The following NTM variants were observed in gnomAD, a reference collection of about 807,000 sequenced individuals.
NTM encodes IgLON family member 2.
In NTM, 13 loss-of-function variants were observed where a neutral mutation model predicts 42.1. The observed-to-expected ratio is 0.31, with a 90% CI of 0.20 to 0.49. NTM has a LOEUF of 0.49. Ranked by LOEUF, NTM falls within the 20% of genes least tolerant of loss-of-function variation. NTM has a pLI of 0.99. For missense variants in NTM, 373 were observed against 452.8 expected, an observed-to-expected ratio of 0.82 and a Z score of 1.60; for synonymous variants, 187 against 179.2, an observed-to-expected ratio of 1.04 and a Z score of -0.35.
At chr11:131,911,342 C>T in intron 1 of NTM, 1 of 1,501,502 alleles carries the variant, frequency 6.7e-7, no homozygotes, top group South Asian at 1.3e-5. Context: ...GCGCGCTTTT[C>T]TCCTCCCCGC....
chr11:131,581,772 A>T (rs1048046760), intron 1 of NTM, among the ~76,000 whole-genome samples: 1 of 152,092 alleles, frequency 6.6e-6, no homozygotes, highest in Admixed American at 6.6e-5. Flanking sequence ...CCTCCCATGC[A>T]CTTTGTTTAA....
intron 1 of NTM, among the ~76,000 whole-genome samples, chr11:131,568,732 C>T (rs1001324197): frequency 2.6e-5 from 4 of 152,252 alleles, no homozygotes; most frequent in South Asian, 4.1e-4. Context: ...CATTCCACCA[C>T]GGCCAGTTGA....
At chr11:132,144,337 C>T (rs372832451) in intron 2 of NTM, among the ~76,000 whole-genome samples, 2 of 152,170 alleles carry the variant, frequency 1.3e-5, no homozygotes, top group Non-Finnish European at 2.9e-5. Flanking sequence ...AGCGAAATCC[C>T]CAGGGGGCTC....
intron 2 of NTM, among the ~76,000 whole-genome samples, chr11:131,932,642 A>T (rs2058751763): frequency 6.6e-6 from 1 of 152,204 alleles, no homozygotes; most frequent in African/African-American, 2.4e-5. Context: ...TGATCAGCAG[A>T]CAAGGAATAG....
chr11:131,424,218 G>A (rs1349020253), intron 1 of NTM, among the ~76,000 whole-genome samples: 2 of 152,014 alleles, frequency 1.3e-5, no homozygotes, highest in Non-Finnish European at 2.9e-5. Context: ...TTATTTTAGG[G>A]AAAGAAAGGA....
At chr11:131,431,051 T>G (rs1271699293) in intron 1 of NTM, among the ~76,000 whole-genome samples, 1 of 152,214 alleles carries the variant, frequency 6.6e-6, no homozygotes, top group Non-Finnish European at 1.5e-5. Context: ...TTCCACACAG[T>G]GTCGCAGAGA....
At chr11:131,842,792 C>T (rs2044423520) in intron 1 of NTM, among the ~76,000 whole-genome samples, 1 of 152,112 alleles carries the variant, frequency 6.6e-6, no homozygotes, top group African/African-American at 2.4e-5. Flanking sequence ...TGGCAGATCA[C>T]TTGAGGTCAG....
chr11:131,373,154 C>G (rs909129169), intron 1 of NTM, among the ~76,000 whole-genome samples: 7 of 152,200 alleles, frequency 4.6e-5, no homozygotes, highest in Admixed American at 4.6e-4. Flanking sequence ...AAGGTGATGT[C>G]TGTTTTCTCT....
At chr11:131,960,247 C>G (rs997218345) in intron 2 of NTM, among the ~76,000 whole-genome samples, 1 of 152,112 alleles carries the variant, frequency 6.6e-6, no homozygotes, top group African/African-American at 2.4e-5. Flanking sequence ...TTGTTGGGAC[C>G]CTCCCAGGTA....
intron 1 of NTM, among the ~76,000 whole-genome samples, chr11:131,593,879 T>A (rs2059595506): frequency 6.6e-6 from 1 of 152,244 alleles, no homozygotes; most frequent in Non-Finnish European, 1.5e-5. Flanking sequence ...GTAAGCACTC[T>A]GAAAGCAAGG....
At chr11:131,502,782 A>T (rs1239961430) in intron 1 of NTM, 1 of 152,276 alleles carries the variant, frequency 6.6e-6, no homozygotes, top group Non-Finnish European at 1.5e-5. Context: ...CTTGGCACCC[A>T]GGACCAGCCC....
chr11:132,307,855 G>A (rs376427730), intron 5 of NTM, 32 bp downstream of exon 5: 18 of 1,607,346 alleles, frequency 1.1e-5, no homozygotes, highest in Admixed American at 1.7e-5. Flanking sequence ...CGCCCTGCAC[G>A]TGCATCAGGC....
intron 2 of NTM, among the ~76,000 whole-genome samples, chr11:132,025,786 G>A (rs2075091126): frequency 6.6e-6 from 1 of 152,188 alleles, no homozygotes; most frequent in African/African-American, 2.4e-5. Flanking sequence ...GAAGTTCTCT[G>A]TGAAAATAGA....
intron 1 of NTM, among the ~76,000 whole-genome samples, chr11:131,557,721 G>A (rs1400868076): frequency 6.6e-6 from 1 of 151,198 alleles, no homozygotes; most frequent in Non-Finnish European, 1.5e-5. Flanking sequence ...GATGCTTCTT[G>A]GAGCATTTGA....
chr11:131,485,679 C>T (rs1954101472), intron 1 of NTM, among the ~76,000 whole-genome samples: 2 of 152,166 alleles, frequency 1.3e-5, no homozygotes, highest in Admixed American at 1.3e-4. Flanking sequence ...ATATCCCCTG[C>T]AGACAGGGTA....
chr11:132,194,767 A>C (rs2079899063), intron 3 of NTM, among the ~76,000 whole-genome samples: 1 of 149,780 alleles, frequency 6.7e-6, no homozygotes. Flanking sequence ...ACCACAGTAG[A>C]GTTTCAGGAT....
chr11:131,920,057 T>C, intron 2 of NTM, among the ~76,000 whole-genome samples: 1 of 152,342 alleles, frequency 6.6e-6, no homozygotes, highest in South Asian at 2.1e-4. Flanking sequence ...TAGCAGGTTG[T>C]GACAGTTCAT....
At chr11:131,748,991 G>A (rs1377327355) in intron 1 of NTM, among the ~76,000 whole-genome samples, 1 of 152,316 alleles carries the variant, frequency 6.6e-6, no homozygotes, top group South Asian at 2.1e-4. Flanking sequence ...ACACAGAAAA[G>A]AAAGGACATA....
At chr11:132,208,393 C>G (rs938402680) in intron 3 of NTM, among the ~76,000 whole-genome samples, 1 of 152,222 alleles carries the variant, frequency 6.6e-6, no homozygotes, top group South Asian at 2.1e-4. Context: ...AATGATCTGT[C>G]TTTCTCACTC....
Sources: allele counts gnomAD v4.1 joint callset (sites outside exome capture counted in the v4.1 genomes callset), GRCh38; gene constraint gnomAD v4.1.1; transcripts MANE v1.5; gene names NCBI Gene and HGNC (gene_info 2026-07-23, HGNC 2026-07-21).